The following ADGRL3 variants were observed in gnomAD, a reference collection of about 807,000 sequenced individuals.
The protein encoded by ADGRL3 is calcium-independent alpha-latrotoxin receptor 3.
A neutral mutation model predicts 153.5 loss-of-function variants in ADGRL3; 62 were observed. The ratio of observed to expected loss-of-function variants is 0.40; its 90% CI spans 0.33 to 0.50. The LOEUF (loss-of-function observed/expected upper bound fraction) is 0.50, where lower values mean the gene tolerates loss of function less well. Among genes scored for constraint, ADGRL3 ranks in the 20% least tolerant of loss-of-function variants. The probability of loss-of-function intolerance (pLI) is 0.47; values close to 1 mark genes in which losing one functional copy is unlikely to be tolerated. For missense variants in ADGRL3, 1,641 were observed against 1,859.4 expected (o/e 0.88, Z 2.16); for synonymous variants, 710 against 672.5 (o/e 1.06, Z -0.86).
chr4:61,488,678 G>A (rs932167929), intron 2 of ADGRL3, among the ~76,000 whole-genome samples: 1 of 151,796 alleles, frequency 6.6e-6, no homozygotes, highest in Non-Finnish European at 1.5e-5. Flanking sequence ...CTTCCACACT[G>A]ACAAGACATT....
chr4:61,406,608 C>G (rs945643901), intron 2 of ADGRL3, among the ~76,000 whole-genome samples: 6 of 151,522 alleles, frequency 4.0e-5, no homozygotes, highest in Non-Finnish European at 7.4e-5. Context: ...TTAAATTTAA[C>G]TTTTTTCCTT....
intron 3 of ADGRL3, among the ~76,000 whole-genome samples, chr4:61,509,620 G>T (rs1180685566): frequency 1.3e-5 from 2 of 151,776 alleles, no homozygotes; most frequent in Admixed American, 1.3e-4. Flanking sequence ...CTGTGTGTGT[G>T]TGCGTGTGTA....
chr4:61,517,371 C>A lies in ADGRL3; in HGVS notation c.112C>A (p.Arg38Ser), dbSNP rs1024375520. The change falls in exon 4 of 27, where the codon CGC (arginine) becomes AGC (serine). Residue 38 changes from arginine (R) to serine (S), a missense_variant. By Grantham distance (110) the Arg-to-Ser change is moderately radical. Coordinates refer to ENST00000683033, the MANE Select transcript of ADGRL3 (RefSeq NM_001387552.1). ...TGCTGCTCCATTGCGACACGCTGAG[C>A]GCAGCCCAGGAGGCGCTCTTCCACC... The part of the protein sequence containing the change: ...ALAAPLRHAE[R>S]SPGGALPPRH... The A allele has an allele frequency of 4.2e-6, 3 of 707,752 alleles. No homozygotes were observed. The highest frequency in any genetic ancestry group is 2.0e-5 in the Admixed American group (1 of 50,010). 43.8% of individuals were successfully genotyped at this position (707,752 alleles called of 1,614,324 possible). A position where few individuals can be genotyped will look rare whatever the true frequency, so the allele number is the denominator to read the frequency against.
intron 1 of ADGRL3, among the ~76,000 whole-genome samples, chr4:61,246,088 G>T (rs554922965): frequency 6.6e-6 from 1 of 151,878 alleles, no homozygotes; most frequent in East Asian, 1.9e-4. Context: ...CCTAACTATG[G>T]CCCTTTTCTA....
intron 6 of ADGRL3, among the ~76,000 whole-genome samples, chr4:61,685,060 C>A (rs1456455777): frequency 2.6e-5 from 4 of 151,838 alleles, no homozygotes; most frequent in African/African-American, 7.3e-5. Context: ...GGACTACAGG[C>A]GTGCACCATC....
At chr4:61,275,783 T>C (rs2149878158) in intron 1 of ADGRL3, among the ~76,000 whole-genome samples, 1 of 152,326 alleles carries the variant, frequency 6.6e-6, no homozygotes, top group Non-Finnish European at 1.5e-5. Context: ...TTTGGTTACT[T>C]ACATATCTAA....
intron 1 of ADGRL3, among the ~76,000 whole-genome samples, chr4:61,359,518 G>T (rs139028960): frequency 1.3e-5 from 2 of 152,090 alleles, no homozygotes; most frequent in Non-Finnish European, 2.9e-5. Context: ...TCTTGCCTGA[G>T]GGCCTTTGCA....
chr4:61,523,273 A>G (rs1455186785), intron 4 of ADGRL3, among the ~76,000 whole-genome samples: 1 of 152,112 alleles, frequency 6.6e-6, no homozygotes, highest in Non-Finnish European at 1.5e-5. Context: ...AGATATTTTA[A>G]CAGAAGAACA....
At chr4:61,846,792 G>A (rs1218118357) in intron 9 of ADGRL3, among the ~76,000 whole-genome samples, 2 of 151,856 alleles carry the variant, frequency 1.3e-5, no homozygotes, top group East Asian at 3.9e-4. Flanking sequence ...AGGTGAAGGG[G>A]GAGCAGGCAT....
chr4:61,837,443 CTTTGGAAAAGACAAATGGGTTT>C (rs2097953355), intron 9 of ADGRL3, among the ~76,000 whole-genome samples: 2 of 152,070 alleles, frequency 1.3e-5, no homozygotes, highest in African/African-American at 4.8e-5. Context: ...TCCATAGTTT[CTTTGGAAAAGACAAATGGGTTT>C]TTAGGAGAAC....
At chr4:61,821,611 T>C (rs945013880) in intron 9 of ADGRL3, among the ~76,000 whole-genome samples, 1 of 152,132 alleles carries the variant, frequency 6.6e-6, no homozygotes, top group African/African-American at 2.4e-5. Context: ...TATTGGATGC[T>C]AATTTATACA....
intron 9 of ADGRL3, among the ~76,000 whole-genome samples, chr4:61,815,654 A>G (rs1453881746): frequency 6.6e-6 from 1 of 152,252 alleles, no homozygotes; most frequent in African/African-American, 2.4e-5. Flanking sequence ...ATTCATATTG[A>G]AACTTAATCA....
intron 1 of ADGRL3, among the ~76,000 whole-genome samples, chr4:61,271,745 G>A (rs546718212): frequency 1.8e-4 from 27 of 152,108 alleles, no homozygotes; most frequent in African/African-American, 5.5e-4. Flanking sequence ...GGAGGAAGAC[G>A]TCACTTAACT....
chr4:61,481,329 C>T (rs192541986), intron 2 of ADGRL3, among the ~76,000 whole-genome samples: 1 of 152,218 alleles, frequency 6.6e-6, no homozygotes, highest in African/African-American at 2.4e-5. Context: ...TGTGTGATAT[C>T]TGAGGATGCC....
chr4:61,331,140 G>A (rs2095564589), intron 1 of ADGRL3, among the ~76,000 whole-genome samples: 1 of 152,140 alleles, frequency 6.6e-6, no homozygotes, highest in African/African-American at 2.4e-5. Flanking sequence ...GTTTTCTAAA[G>A]AGAAGTGGGG....
At chr4:61,776,090 CG>C (rs2097146717) in intron 8 of ADGRL3, among the ~76,000 whole-genome samples, 2 of 151,878 alleles carry the variant, frequency 1.3e-5, no homozygotes, top group South Asian at 4.2e-4. Context: ...TTAGTAGAGA[CG>C]GGGTTTCACT....
At chr4:61,969,907 G>C (rs554228225) in intron 17 of ADGRL3, among the ~76,000 whole-genome samples, 1 of 152,236 alleles carries the variant, frequency 6.6e-6, no homozygotes, top group East Asian at 1.9e-4. Context: ...TGTGGATTTT[G>C]TACATTTCTT....
At chr4:61,958,454 G>A (rs1254408411) in intron 17 of ADGRL3, among the ~76,000 whole-genome samples, 1 of 150,928 alleles carries the variant, frequency 6.6e-6, no homozygotes, top group Non-Finnish European at 1.5e-5. Context: ...ACTGCTGTGA[G>A]GGATTGTGTT....
chr4:62,039,580 A>T (rs1440890443), intron 24 of ADGRL3, among the ~76,000 whole-genome samples: 1 of 152,158 alleles, frequency 6.6e-6, no homozygotes, highest in Non-Finnish European at 1.5e-5. Flanking sequence ...GTTGCAAATC[A>T]GAAGAACAAT....
Sources: gnomAD v4.1 joint callset for allele counts (sites outside exome capture counted in the v4.1 genomes callset) on GRCh38, gnomAD v4.1.1 for gene constraint, MANE v1.5 for transcripts, NCBI Gene and HGNC (gene_info 2026-07-23, HGNC 2026-07-21) for gene names.